The following AGBL4 variants were observed in gnomAD, a reference collection of about 807,000 sequenced individuals.
The protein encoded by AGBL4 is AGBL carboxypeptidase 4.
AGBL4 carries 58 observed loss-of-function variants against 66.4 expected under a neutral mutation model. The observed-to-expected ratio is 0.87, with a 90% CI of 0.71 to 1.09. The LOEUF is 1.09. AGBL4 is among the 50% of genes least tolerant of loss of function. The pLI is 0.00. For missense variants in AGBL4, 579 were observed against 631.0 expected, an observed-to-expected ratio of 0.92 and a Z score of 0.88; for synonymous variants, 234 against 222.9, an observed-to-expected ratio of 1.05 and a Z score of -0.44.
chr1:49,142,723 A>C (rs544010784), intron 4 of AGBL4, among the ~76,000 whole-genome samples: 1 of 152,294 alleles, frequency 6.6e-6, no homozygotes, highest in Non-Finnish European at 1.5e-5. Flanking sequence ...CCTATAATCT[A>C]AGGAATATCA....
chr1:49,568,618 C>T (rs192674113), intron 3 of AGBL4, among the ~76,000 whole-genome samples: 1 of 151,858 alleles, frequency 6.6e-6, no homozygotes, highest in Non-Finnish European at 1.5e-5. Flanking sequence ...TATCAAACTA[C>T]CAATGATGTT....
intron 4 of AGBL4, among the ~76,000 whole-genome samples, chr1:49,125,853 G>A (rs963056072): frequency 6.6e-6 from 1 of 152,054 alleles, no homozygotes; most frequent in Non-Finnish European, 1.5e-5. Context: ...ACAAATCAAC[G>A]GGGTTCTTAC....
intron 5 of AGBL4, among the ~76,000 whole-genome samples, chr1:48,942,310 TGGG>T (rs4028314): frequency 1.5e-3 from 212 of 143,148 alleles, no homozygotes; most frequent in Middle Eastern, 3.6e-3. Flanking sequence ...ATTATTGTGG[TGGG>T]GGGGGGGGGT....
chr1:49,394,921 A>G (rs1451661403), intron 3 of AGBL4, among the ~76,000 whole-genome samples: 1 of 152,180 alleles, frequency 6.6e-6, no homozygotes, highest in Non-Finnish European at 1.5e-5. Context: ...GCTTTCCTTC[A>G]AAAAGAATAA....
intron 1 of AGBL4, among the ~76,000 whole-genome samples, chr1:49,884,527 T>A (rs1038244154): frequency 6.6e-6 from 1 of 151,934 alleles, no homozygotes. Context: ...AATATCTTGG[T>A]GAAAAGTAAT....
At chr1:49,532,489 T>A (rs1197297529) in intron 3 of AGBL4, among the ~76,000 whole-genome samples, 1 of 152,172 alleles carries the variant, frequency 6.6e-6, no homozygotes, top group Non-Finnish European at 1.5e-5. Context: ...TCCTTGTTCA[T>A]TATCCAAGTA....
chr1:48,669,882 TC>T (rs1201593864), intron 6 of AGBL4, among the ~76,000 whole-genome samples: 2 of 152,080 alleles, frequency 1.3e-5, no homozygotes, highest in Non-Finnish European at 2.9e-5. Context: ...TATTTTCAGT[TC>T]CCGACTCGTT....
chr1:49,555,041 G>A (rs999693021), intron 3 of AGBL4, among the ~76,000 whole-genome samples: 2 of 152,204 alleles, frequency 1.3e-5, no homozygotes, highest in African/African-American at 4.8e-5. Context: ...TCCACAGGAA[G>A]AAGGGGAACC....
chr1:48,993,972 T>C (rs1360615269), intron 5 of AGBL4, among the ~76,000 whole-genome samples: 7 of 152,238 alleles, frequency 4.6e-5, no homozygotes, highest in Non-Finnish European at 1.0e-4. Flanking sequence ...ACCTAATTTT[T>C]GGTTCTTAGA....
chr1:49,725,666 T>C (rs1229075335), intron 2 of AGBL4, among the ~76,000 whole-genome samples: 1 of 151,642 alleles, frequency 6.6e-6, no homozygotes, highest in Admixed American at 6.6e-5. Context: ...TCCATTAATG[T>C]TCTTTTCCTT....
intron 3 of AGBL4, among the ~76,000 whole-genome samples, chr1:49,605,591 T>C (rs886479852): frequency 1.1e-4 from 17 of 152,286 alleles, no homozygotes; most frequent in African/African-American, 4.1e-4. Context: ...CACAAAGAAA[T>C]AATACATGCA....
intron 5 of AGBL4, among the ~76,000 whole-genome samples, chr1:49,010,213 C>A (rs1220968181): frequency 6.7e-6 from 1 of 149,188 alleles, no homozygotes; most frequent in Non-Finnish European, 1.5e-5. Context: ...ACAAAAATCA[C>A]AAGCATTCTT....
chr1:49,284,033 T>C (rs1334981610), intron 3 of AGBL4, among the ~76,000 whole-genome samples: 13 of 148,966 alleles, frequency 8.7e-5, no homozygotes, highest in Non-Finnish European at 1.3e-4. Context: ...ACAAAGATAC[T>C]CCTCGAGAAG....
At chr1:48,844,639 G>A (rs1558034793) in intron 6 of AGBL4, among the ~76,000 whole-genome samples, 1 of 152,122 alleles carries the variant, frequency 6.6e-6, no homozygotes. Flanking sequence ...CCAGTGTTGT[G>A]AATTCCTGTG....
chr1:49,288,605 A>G (rs889997062), intron 3 of AGBL4, among the ~76,000 whole-genome samples: 7 of 152,322 alleles, frequency 4.6e-5, no homozygotes, highest in South Asian at 2.1e-4. Context: ...TGCTAATAAA[A>G]CAAGTAGAAA....
At chr1:49,923,103 T>C (rs950700749) in intron 1 of AGBL4, among the ~76,000 whole-genome samples, 3 of 152,050 alleles carry the variant, frequency 2.0e-5, no homozygotes, top group Non-Finnish European at 4.4e-5. Context: ...ACAGCATGTA[T>C]TGGTACAAAA....
At chr1:49,197,883 A>G (rs1209701631) in intron 4 of AGBL4, among the ~76,000 whole-genome samples, 1 of 152,072 alleles carries the variant, frequency 6.6e-6, no homozygotes. Flanking sequence ...TCCCCCATTC[A>G]AGACACAATA....
chr1:49,069,405 T>TGCTTTGTGA (rs1557613773), intron 4 of AGBL4, among the ~76,000 whole-genome samples: 9 of 152,128 alleles, frequency 5.9e-5, no homozygotes, highest in African/African-American at 2.2e-4. Flanking sequence ...AGTTAATTTT[T>TGCTTTGTGA]ATATAAGGTG....
At chr1:48,895,490 A>C (rs537519107) in intron 5 of AGBL4, among the ~76,000 whole-genome samples, 9 of 152,244 alleles carry the variant, frequency 5.9e-5, no homozygotes, top group Non-Finnish European at 1.0e-4. Context: ...AAACATCCTC[A>C]ATCATTTCTG....
Sources: allele counts gnomAD v4.1 joint callset (sites outside exome capture counted in the v4.1 genomes callset), GRCh38; gene constraint gnomAD v4.1.1; transcripts MANE v1.5; gene names NCBI Gene and HGNC (gene_info 2026-07-23, HGNC 2026-07-21).